Variants in PTK7 observed in about 807,000 individuals in gnomAD.
PTK7 encodes the protein inactive tyrosine-protein kinase 7.
PTK7 carries 39 observed loss-of-function variants against 116.6 expected under a neutral mutation model. That is an observed-to-expected ratio of 0.33 (90% CI 0.26 to 0.44). PTK7 has a LOEUF of 0.44. PTK7 is among the 20% of genes least tolerant of loss of function. The pLI is 1.00. For missense variants in PTK7, 1,169 were observed against 1,425.6 expected, an observed-to-expected ratio of 0.82 and a Z score of 2.90; for synonymous variants, 546 against 563.6, an observed-to-expected ratio of 0.97 and a Z score of 0.44.
chr6:43,152,474 A>T (rs1377106200), intron 17 of PTK7, among the ~76,000 whole-genome samples: 9 of 152,214 alleles, frequency 5.9e-5, no homozygotes, highest in Non-Finnish European at 1.3e-4. Context: ...GGTTGCGGAG[A>T]GCTGAGACTG....
rs529159777 is a variant in PTK7 at position 43,148,266 on chromosome 6, G to C, written c.2721+1568G>C. ...CGATCCTGTCTCAAAGGGAGGGGAG[G>C]GGGGGAAAGGACAGGCATCTTGCCC... On this transcript the variant is annotated intron_variant, in intron 17 of 19. Coordinates refer to ENST00000230419, the MANE Select transcript of PTK7 (RefSeq NM_002821.5). Among the ~76,000 whole-genome samples the C allele has an allele frequency of 6.6e-4, 101 of 151,972 alleles. 2 individuals carry two copies. In the South Asian group the frequency reaches 0.013, roughly 20 times the overall value.
intron 1 of PTK7, among the ~76,000 whole-genome samples, chr6:43,090,410 A>T (rs1269781949): frequency 6.6e-6 from 1 of 152,222 alleles, no homozygotes; most frequent in Non-Finnish European, 1.5e-5. Flanking sequence ...GTATTTGCAA[A>T]TTTGAAACAA....
intron 5 of PTK7, among the ~76,000 whole-genome samples, chr6:43,131,029 TCACACACACACACACACACACACACA>T (rs3222659): frequency 4.5e-5 from 6 of 133,836 alleles, no homozygotes; most frequent in South Asian, 2.7e-4. Context: ...GGCAAAGACA[TCACACACACACACACACACACACACA>T]CACACACACA....
intron 1 of PTK7, among the ~76,000 whole-genome samples, chr6:43,105,124 TA>T (rs200996532): frequency 6.6e-6 from 1 of 150,454 alleles, no homozygotes; most frequent in Non-Finnish European, 1.5e-5. Flanking sequence ...TTTTTTTTTT[TA>T]AAAAAACTTC....
chr6:43,129,443 C>T lies in PTK7; in HGVS notation c.367+179C>T, dbSNP rs1156333774. The T allele has an allele frequency of 6.0e-6, 6 of 999,640 alleles. No homozygotes were observed. Among genetic ancestry groups the T allele is most frequent in the Non-Finnish European group, 1.4e-6 (1 of 697,346 alleles). The allele number at this position is 999,640 out of a possible 1,614,324, so 61.9% of individuals were successfully genotyped here. A position where few individuals can be genotyped will look rare whatever the true frequency, so the allele number is the denominator to read the frequency against. ...GAGGAAATTAAAAGTTATATTTTTT[C>T]CAAAATTTTTTCCTTCAAGTCTGGG... On this transcript the variant is annotated intron_variant, in intron 2 of 19. Transcript: ENST00000230419. This position sits in a 1 kb window ranked among gnomAD's most constrained non-coding sequence, Gnocchi z 4.5.
intron 1 of PTK7, among the ~76,000 whole-genome samples, chr6:43,097,573 C>T (rs1353006705): frequency 6.6e-6 from 1 of 152,212 alleles, no homozygotes; most frequent in Non-Finnish European, 1.5e-5. Context: ...CACTGCTCTG[C>T]AGTGGGCCTG....
At chr6:43,085,373 C>T (rs890795490) in intron 1 of PTK7, among the ~76,000 whole-genome samples, 3 of 152,104 alleles carry the variant, frequency 2.0e-5, no homozygotes, top group South Asian at 2.1e-4. Flanking sequence ...CTCAGCCTCC[C>T]GAGTAGCTGG....
chr6:43,127,668 G>A lies in PTK7; in HGVS notation c.80-1309G>A, dbSNP rs1030802467. Reference sequence around the variant, plus strand: ...CATGGGGCCGGGTGCGGTGGCTCACGCCTGTAATCCCAGCACTTTGGGAGG... The same window carrying A: ...CATGGGGCCGGGTGCGGTGGCTCACACCTGTAATCCCAGCACTTTGGGAGG... On this transcript the variant is annotated intron_variant, in intron 1 of 19. Transcript: ENST00000230419. Among the ~76,000 whole-genome samples the A allele has an allele frequency of 9.9e-5, 15 of 152,008 alleles. No individual in the cohort carries two copies. The Middle Eastern group carries it at 0.01, about 104-fold the overall frequency.
chr6:43,132,127 C>A lies in PTK7; in HGVS notation c.924C>A (p.Gly308=). 1.2e-6 allele frequency: 2 copies of A among 1,612,880 alleles called. No individual in the cohort carries two copies. Among genetic ancestry groups the A allele is most frequent in the Non-Finnish European group, 1.7e-6 (2 of 1,179,118 alleles). ...GCTGCATTGGCCAGGGGCAGAGGGGCCCACCCATCATCCTGGAAGCCACAC... is the reference window on the plus strand; with the variant it reads ...GCTGCATTGGCCAGGGGCAGAGGGGACCACCCATCATCCTGGAAGCCACAC... The part of the protein sequence containing the change: ...IYRCIGQGQR[G]PPIILEATLH... Residue 308 remains glycine, a synonymous_variant, in exon 6 of 20, where the codon GGC becomes GGA. Coordinates refer to ENST00000230419, the MANE Select transcript of PTK7 (RefSeq NM_002821.5).
rs768997826 is a variant in PTK7, at chr6:43,158,975, G to A, written c.2873+7G>A. On this transcript the variant is annotated splice_region_variant and intron_variant, in intron 18 of 19. Coordinates refer to ENST00000230419, the MANE Select transcript of PTK7 (RefSeq NM_002821.5). Reference sequence around the variant, plus strand: ...GCAAGGATGTGTACAACAGGTAGAAGGGCATGCGTGGGGTGGGGGCTCCCC... The same window carrying A: ...GCAAGGATGTGTACAACAGGTAGAAAGGCATGCGTGGGGTGGGGGCTCCCC... 1.4e-5 allele frequency: 23 copies of A among 1,613,230 alleles called. No homozygotes were observed. In the Admixed American group the frequency reaches 3.8e-4, roughly 27 times the overall value.
At chr6:43,158,404 G>C (rs1346936540) in intron 17 of PTK7, among the ~76,000 whole-genome samples, 2 of 152,070 alleles carry the variant, frequency 1.3e-5, no homozygotes, top group Non-Finnish European at 2.9e-5. Context: ...GAGTTTAGAG[G>C]CTGCAGTGAG....
At chr6:43,147,106 G>A (rs981737680) in intron 17 of PTK7, among the ~76,000 whole-genome samples, 1 of 152,244 alleles carries the variant, frequency 6.6e-6, no homozygotes, top group Admixed American at 6.5e-5. Flanking sequence ...GTGGGCCTGA[G>A]CGTGTTTCTT....
chr6:43,142,515 G>A (rs1770482313), intron 13 of PTK7: 2 of 766,192 alleles, frequency 2.6e-6, no homozygotes, highest in East Asian at 2.8e-5. Flanking sequence ...GTGTGTGTGT[G>A]TGTGTTGTGG....
Position 43,076,361 on chromosome 6 carries a change from G to T in PTK7, c.-128G>T, listed in dbSNP as rs1363705287. ...TCGGGACGCCTCGGGACGCCTCGGG[G>T]TCGGGCTCCGGCTGCGGCTGCTGCT... is the stretch of plus-strand genomic sequence containing the variant. On this transcript the variant is annotated 5_prime_UTR_variant, in exon 1 of 20. Coordinates refer to ENST00000230419, the MANE Select transcript of PTK7 (RefSeq NM_002821.5). This position sits in a 1 kb window ranked among gnomAD's most constrained non-coding sequence, Gnocchi z 5.7. 3.3e-5 allele frequency: 19 copies of T among 572,570 alleles called. No individual in the cohort carries two copies. The highest frequency in any genetic ancestry group is 4.7e-5 in the Non-Finnish European group (19 of 405,478). The allele number at this position is 572,570 out of a possible 1,614,324, so 35.5% of individuals were successfully genotyped here.
intron 1 of PTK7, among the ~76,000 whole-genome samples, chr6:43,103,456 GGTGT>G (rs3840390): frequency 1.3e-5 from 2 of 150,234 alleles, no homozygotes; most frequent in Admixed American, 6.6e-5. Flanking sequence ...GAGTATTACA[GGTGT>G]GTGTGTGTGT....
rs374465722 is a variant in PTK7 at position 43,125,267 on chromosome 6, C to T, written c.80-3710C>T. ...GTGAGCTGACGTCAGGACAGAGGCCCCCTCGGGGCCAGCTTTGATGTTTCC... is the reference window on the plus strand; with the variant it reads ...GTGAGCTGACGTCAGGACAGAGGCCTCCTCGGGGCCAGCTTTGATGTTTCC... On this transcript the variant is annotated intron_variant, in intron 1 of 19. Transcript: ENST00000230419. Among the ~76,000 whole-genome samples, 57 of 152,360 alleles carry T rather than the reference C, an allele frequency of 3.7e-4. 1 individual carries two copies. In the South Asian group the frequency reaches 6.0e-3, roughly 16 times the overall value.
chr6:43,116,021 C>T (rs1768495348), intron 1 of PTK7, among the ~76,000 whole-genome samples: 1 of 151,736 alleles, frequency 6.6e-6, no homozygotes, highest in Non-Finnish European at 1.5e-5. Context: ...TGTACCCTTG[C>T]CCCTCCAAGC....
In PTK7 at chr6:43,132,626, C is replaced by T. The variant is rs1408635945; in HGVS notation, c.1167C>T (p.Tyr389=). 1.9e-6 allele frequency: 3 copies of T among 1,599,220 alleles called. No homozygotes were observed. Among genetic ancestry groups the T allele is most frequent in the African/African-American group, 1.3e-5 (1 of 74,646 alleles). The change falls in exon 7 of 20, where the codon TAC becomes TAT. Residue 389 remains tyrosine (Y), a synonymous_variant. Coordinates refer to ENST00000230419, the MANE Select transcript of PTK7 (RefSeq NM_002821.5). ...TTGCTGAAAGTGATGCTGGTGTCTA[C>T]ACCTGCCACGCGGCCAACCTGGCTG... The part of the protein sequence containing the change: ...ANIAESDAGV[Y]TCHAANLAGQ...
intron 1 of PTK7, among the ~76,000 whole-genome samples, chr6:43,080,845 G>A (rs1400158775): frequency 2.0e-5 from 3 of 152,120 alleles, no homozygotes; most frequent in Non-Finnish European, 4.4e-5. Flanking sequence ...AGGAGGCTGA[G>A]GCAGGAGAAT....
Sources: gnomAD v4.1 joint callset for allele counts (sites outside exome capture counted in the v4.1 genomes callset) on GRCh38, gnomAD v4.1.1 for gene constraint, Gnocchi (gnomAD v3.1) non-coding constraint, MANE v1.5 for transcripts, NCBI Gene and HGNC (gene_info 2026-07-23, HGNC 2026-07-21) for gene names.